DNASE1L1: variants seen among roughly 807,000 people sequenced by gnomAD.
DNASE1L1 encodes the protein deoxyribonuclease-1-like 1.
DNASE1L1 carries 8 observed loss-of-function variants against 18.6 expected under a neutral mutation model. The ratio of observed to expected loss-of-function variants is 0.43; its 90% CI spans 0.25 to 0.78. The LOEUF (loss-of-function observed/expected upper bound fraction) is 0.78. Among genes scored for constraint, DNASE1L1 ranks in the 30% least tolerant of loss-of-function variants. DNASE1L1 has a pLI of 0.23. For synonymous variants in DNASE1L1, 114 were observed against 114.2 expected (o/e 1.00, Z 0.01); for missense variants, 214 against 258.2 (o/e 0.83, Z 1.17).
chrX:154,408,501 T>C (rs1375133150), intron 1 of DNASE1L1: 2 of 111,569 alleles, frequency 1.8e-5, no homozygotes, highest in Admixed American at 1.9e-4. Flanking sequence ...GAGCCCTTCT[T>C]GTTCATCTCA....
At chrX:154,410,764 A>G (rs1324031414), upstream of DNASE1L1, among the ~76,000 whole-genome samples, 1 of 109,825 alleles carries the variant, frequency 9.1e-6, no homozygotes, top group Non-Finnish European at 1.9e-5. Context: ...CTGTAGTCCC[A>G]GCTACTCAGG....
chrX:154,406,846 G>C (rs1444729707), intron 1 of DNASE1L1, among the ~76,000 whole-genome samples: 1 of 109,786 alleles, frequency 9.1e-6, no homozygotes, highest in Admixed American at 9.8e-5. Context: ...TGCCCGCCTC[G>C]GCCTCTCAAA....
upstream of DNASE1L1, chrX:154,409,392 T>C (rs868990419): frequency 8.9e-5 from 18 of 202,250 alleles, no homozygotes; most frequent in Non-Finnish European, 1.3e-4. Flanking sequence ...GACCCCGCCT[T>C]CCCGGGCCAG....
At position 154,402,706 on chromosome X, in the gene DNASE1L1, C is replaced by T; in HGVS notation, c.*1G>A. The T allele has an allele frequency of 8.3e-7, 1 of 1,206,565 alleles. No homozygotes were observed. The highest frequency in any genetic ancestry group is 1.1e-6 in the Non-Finnish European group (1 of 892,551). On this transcript the variant is annotated 3_prime_UTR_variant, in exon 8 of 8. Coordinates refer to ENST00000369807, the MANE Select transcript of DNASE1L1 (RefSeq NM_001303620.2). ...CAGGCCCTGGGGGGGTAGGGGGACG[C>T]TCAGGCAGCAGGGCACAGCTGAGGG...
At chrX:154,404,743 T>G in intron 4 of DNASE1L1, 85 bp downstream of exon 4, 1 of 907,987 alleles carries the variant, frequency 1.1e-6, no homozygotes, top group Non-Finnish European at 1.5e-6. Flanking sequence ...ATGGGGGGCC[T>G]GTGGCCCCGG....
chrX:154,411,282 C>A (rs946034778), upstream of DNASE1L1, among the ~76,000 whole-genome samples: 1 of 111,572 alleles, frequency 9.0e-6, no homozygotes, highest in African/African-American at 3.3e-5. Context: ...GCAGGAGAAT[C>A]GCTTGAGTCT....
upstream of DNASE1L1, chrX:154,411,898 C>T (rs1327665804): frequency 8.3e-7 from 1 of 1,206,217 alleles, no homozygotes; most frequent in Admixed American, 2.2e-5. Flanking sequence ...CACCTGGACC[C>T]TGGCCAGCAG....
In DNASE1L1 at chrX:154,402,727, G is replaced by A. The variant is rs781964455; in HGVS notation, c.889C>T (p.Gln297Ter). The A allele has an allele frequency of 8.3e-7, 1 of 1,210,717 alleles. No individual in the cohort carries two copies. The highest frequency in any genetic ancestry group is 1.1e-6 in the Non-Finnish European group (1 of 894,894). ...GACGCTCAGGCAGCAGGGCACAGCT[G>A]AGGGGACAGGAGTGATAGCAGCAAC... ...VLLLLSLLSPQLCPAA is the reference protein window; with the variant it reads ...VLLLLSLLSP Residue 297 changes from glutamine to a stop codon, truncating the protein, a stop_gained, in exon 8 of 8, where the codon CAG becomes TAG. Transcript: ENST00000369807. LOFTEE classifies it high-confidence loss of function.
chrX:154,403,846 G>A (rs1261378619), intron 4 of DNASE1L1: 1 of 400,438 alleles, frequency 2.5e-6, no homozygotes, highest in Admixed American at 4.6e-5. Context: ...ATAAGGCTGT[G>A]CAACTATTTC....
upstream of DNASE1L1, chrX:154,412,034 G>A: frequency 8.3e-7 from 1 of 1,207,385 alleles, no homozygotes; most frequent in Non-Finnish European, 1.1e-6. Flanking sequence ...GGACGCCGCG[G>A]CCCCGACCTA....
chrX:154,405,757 G>C (rs2068137442), intron 1 of DNASE1L1, 102 bp from the exon 2 acceptor site: 1 of 326,095 alleles, frequency 3.1e-6, no homozygotes, highest in South Asian at 1.5e-4. Context: ...GGGTGACAGA[G>C]TGAGACTCTG....
chrX:154,411,134 T>A (rs2068272806), upstream of DNASE1L1, among the ~76,000 whole-genome samples: 1 of 112,197 alleles, frequency 8.9e-6, no homozygotes, highest in African/African-American at 3.2e-5. Context: ...TATCATGTAG[T>A]ACTGTAACTA....
chrX:154,404,786 G>A (rs938633451), intron 4 of DNASE1L1, 42 bp downstream of exon 4: 9 of 1,168,765 alleles, frequency 7.7e-6, no homozygotes, highest in African/African-American at 1.8e-5. Context: ...TTAGGGCCAA[G>A]GACCGCCCCC....
chrX:154,406,664 C>CTTT (rs782761679), intron 1 of DNASE1L1, among the ~76,000 whole-genome samples: 1 of 86,144 alleles, frequency 1.2e-5, no homozygotes, highest in African/African-American at 4.2e-5. Context: ...CCACCGTGTC[C>CTTT]TTTTTTTTTT....
intron 2 of DNASE1L1, 143 bp from the exon 3 acceptor site, chrX:154,405,226 G>T: frequency 1.2e-6 from 1 of 834,750 alleles, no homozygotes; most frequent in South Asian, 2.6e-5. Context: ...GACTGGAAAT[G>T]CCCCAGGAAA....
rs781926586 is a variant in DNASE1L1, at chrX:154,405,510, C to T, written c.59G>A (p.Arg20His). ...LILANGAQAF[R>H]ICAFNAQRLT... ...CCGCTGGGCATTGAAGGCGCAGATG[C>T]GAAAGGCCTGGGCCCCATTGGCCAG... Residue 20 changes from arginine to histidine, a missense_variant, in exon 2 of 8, where the codon CGC (arginine) becomes CAC (histidine). Arg to His is a conservative substitution (Grantham distance 29). Transcript: ENST00000369807. The T allele has an allele frequency of 3.3e-6, 4 of 1,202,831 alleles. No individual in the cohort carries two copies. The highest frequency in any genetic ancestry group is 4.5e-6 in the Non-Finnish European group (4 of 889,391).
At chrX:154,408,339 C>T (rs1368159100) in intron 1 of DNASE1L1, among the ~76,000 whole-genome samples, 1 of 112,309 alleles carries the variant, frequency 8.9e-6, no homozygotes, top group Non-Finnish European at 1.9e-5. Context: ...CATCTTCGTT[C>T]ATCTCTGTCT....
intron 1 of DNASE1L1, among the ~76,000 whole-genome samples, chrX:154,407,741 G>A (rs1396529994): frequency 4.0e-5 from 4 of 99,018 alleles, no homozygotes; most frequent in East Asian, 3.1e-4. Context: ...GGCTACAGGC[G>A]TGAGCCACCG....
rs1170057496 is a variant in DNASE1L1, at chrX:154,409,101, G to T, written c.-88+11C>A. On this transcript the variant is annotated intron_variant, in intron 1 of 7. Transcript: ENST00000369807. ...CCTCCCTTCTTCCGTCTCCCCAGGGGGCTCCCATACCTGCTCAGACCAGCT... is the reference window on the plus strand; with the variant it reads ...CCTCCCTTCTTCCGTCTCCCCAGGGTGCTCCCATACCTGCTCAGACCAGCT... 7 of 339,637 alleles carry T rather than the reference G, an allele frequency of 2.1e-5. No individual in the cohort carries two copies. The highest frequency in any genetic ancestry group is 4.1e-5 in the Non-Finnish European group (7 of 169,032). 28.0% of individuals were successfully genotyped at this position (339,637 alleles called of 1,213,427 possible).
Sources: gnomAD v4.1 joint callset for allele counts (sites outside exome capture counted in the v4.1 genomes callset) on GRCh38, gnomAD v4.1.1 for gene constraint, MANE v1.5 for transcripts, NCBI Gene and HGNC (gene_info 2026-07-23, HGNC 2026-07-21) for gene names.